PIK3CG: variants seen among roughly 807,000 people sequenced by gnomAD.
PIK3CG encodes the protein phosphatidylinositol-4,5-bisphosphate 3-kinase catalytic subunit gamma.
PIK3CG carries 55 observed loss-of-function variants against 102.3 expected under a neutral mutation model. The observed-to-expected ratio is 0.54, with a 90% CI of 0.43 to 0.67. The LOEUF is 0.67. Ranked by LOEUF, PIK3CG falls within the 30% of genes least tolerant of loss-of-function variation. The probability of loss-of-function intolerance (pLI) is 0.00; values close to 1 mark genes in which losing one functional copy is unlikely to be tolerated. For synonymous variants in PIK3CG, 552 were observed against 540.0 expected (o/e 1.02, Z -0.31); for missense variants, 1,258 against 1,391.8 (o/e 0.90, Z 1.53).
In PIK3CG at chr7:106,883,266, CTGACA is replaced by C; in HGVS notation, c.2760+105_2760+109del. 1 of 1,220,722 alleles carries C rather than the reference CTGACA, an allele frequency of 8.2e-7. No homozygotes were observed. The allele number at this position is 1,220,722 out of a possible 1,614,324, so 75.6% of individuals were successfully genotyped here. On this transcript the variant is annotated intron_variant, in intron 8 of 10. Coordinates refer to ENST00000496166, the MANE Select transcript of PIK3CG (RefSeq NM_001282426.2). This position sits in a 1 kb window ranked among gnomAD's most constrained non-coding sequence, Gnocchi z 5.8. ...AGAGAATCTGCCAGTGTCTTGCCTC[CTGACA>C]TATTAGTGAAGTTTTTTACTTGTGA...
rs913928137 is a variant in PIK3CG at position 106,884,984 on chromosome 7, A to G, written c.2872+718A>G. Among the ~76,000 whole-genome samples, 1 of 152,158 alleles carries G rather than the reference A, an allele frequency of 6.6e-6. No individual in the cohort carries two copies. The highest frequency in any genetic ancestry group is 1.5e-5 in the Non-Finnish European group (1 of 68,022). ...AGTTCACAATAGGGTTTGTGTTCCT[A>G]TGAGAATCTAATGCTGCAACTGATC... On this transcript the variant is annotated intron_variant, in intron 9 of 10. Coordinates refer to ENST00000496166, the MANE Select transcript of PIK3CG (RefSeq NM_001282426.2). The surrounding 1 kb of genome is among the most constrained non-coding windows in gnomAD (Gnocchi z 4.2).
chr7:106,883,726 C>A lies in PIK3CG; in HGVS notation c.2761-429C>A, dbSNP rs1045061013. On this transcript the variant is annotated intron_variant, in intron 8 of 10. Transcript: ENST00000496166. This position sits in a 1 kb window ranked among gnomAD's most constrained non-coding sequence, Gnocchi z 5.8. ...CACTTCTCATTTGCATGGTTAGCAGCCTTTTGGGGAGGAAATATAATGAGT... is the reference window on the plus strand; with the variant it reads ...CACTTCTCATTTGCATGGTTAGCAGACTTTTGGGGAGGAAATATAATGAGT... Among the ~76,000 whole-genome samples, 2 of 152,134 alleles carry A rather than the reference C, an allele frequency of 1.3e-5. No individual in the cohort carries two copies. Among genetic ancestry groups the A allele is most frequent in the African/African-American group, 4.8e-5 (2 of 41,436 alleles).
rs1239968156 is a variant in PIK3CG, at chr7:106,905,980, A to G, written c.*593A>G. 1 of 228,386 alleles carries G rather than the reference A, an allele frequency of 4.4e-6. No individual in the cohort carries two copies. The highest frequency in any genetic ancestry group is 5.7e-5 in the Admixed American group (1 of 17,636). 14.1% of individuals were successfully genotyped at this position (228,386 alleles called of 1,614,324 possible). A position where few individuals can be genotyped will look rare whatever the true frequency, so the allele number is the denominator to read the frequency against. On this transcript the variant is annotated 3_prime_UTR_variant, in exon 11 of 11. Transcript: ENST00000496166. This position sits in a 1 kb window ranked among gnomAD's most constrained non-coding sequence, Gnocchi z 5.6. ...AACTGAGACACACAAACACAGCAGG[A>G]GAAATCTAAACCGTTGTGCCTTGAC...
At position 106,883,946 on chromosome 7, in the gene PIK3CG, C is replaced by G. The variant is rs183687685; in HGVS notation, c.2761-209C>G. Reference sequence around the variant, plus strand: ...CTTTGACTCTTGTTTCTTCCTCATGCCATTGTGATTCACTGAATCTTCACC... The same window carrying G: ...CTTTGACTCTTGTTTCTTCCTCATGGCATTGTGATTCACTGAATCTTCACC... On this transcript the variant is annotated intron_variant, in intron 8 of 10. Coordinates refer to ENST00000496166, the MANE Select transcript of PIK3CG (RefSeq NM_001282426.2). The surrounding 1 kb of genome is among the most constrained non-coding windows in gnomAD (Gnocchi z 5.8). Among the ~76,000 whole-genome samples the G allele has an allele frequency of 4.7e-4, 72 of 152,204 alleles. No homozygotes were observed. The highest frequency in any genetic ancestry group is 1.3e-3 in the African/African-American group (55 of 41,530).
chr7:106,882,716 GA>G, intron 7 of PIK3CG: 1 of 229,188 alleles, frequency 4.4e-6, no homozygotes, highest in Non-Finnish European at 8.4e-6. Flanking sequence ...TTTAAAAAAG[GA>G]AAAGGCACAG....
At position 106,883,983 on chromosome 7, in the gene PIK3CG, C is replaced by A. The variant is rs1174311404; in HGVS notation, c.2761-172C>A. Among the ~76,000 whole-genome samples the A allele has an allele frequency of 1.3e-5, 2 of 152,126 alleles. No individual in the cohort carries two copies. Among genetic ancestry groups the A allele is most frequent in the African/African-American group, 4.8e-5 (2 of 41,428 alleles). ...ACTGAATCTTCACCTAAAATATAAG[C>A]AGAGCAATGAGAAAGTTGGCAATTC... On this transcript the variant is annotated intron_variant, in intron 8 of 10. Transcript: ENST00000496166. The surrounding 1 kb of genome is among the most constrained non-coding windows in gnomAD (Gnocchi z 5.8).
Position 106,897,712 on chromosome 7 carries a change from C to A in PIK3CG, c.3031-7397C>A, listed in dbSNP as rs1390725003. Among the ~76,000 whole-genome samples the A allele has an allele frequency of 6.6e-6, 1 of 152,186 alleles. No individual in the cohort carries two copies. The highest frequency in any genetic ancestry group is 1.5e-5 in the Non-Finnish European group (1 of 68,018). Reference sequence around the variant, plus strand: ...CATGTTCCCGCAAAAGACATGATCTCATTCTTTTTTATGGCTGCATAGTAT... The same window carrying A: ...CATGTTCCCGCAAAAGACATGATCTAATTCTTTTTTATGGCTGCATAGTAT... On this transcript the variant is annotated intron_variant, in intron 10 of 10. Transcript: ENST00000496166. The surrounding 1 kb of genome is among the most constrained non-coding windows in gnomAD (Gnocchi z 4.6).
rs757124578 is a variant in PIK3CG, at chr7:106,883,765, C to CTGTT, written c.2761-389_2761-386dup. ...AATATAATGAGTAGCACTTATTAAT[C>CTGTT]TGTTATACATGGGGATCTGTGAACC... is the stretch of plus-strand genomic sequence containing the variant. On this transcript the variant is annotated intron_variant, in intron 8 of 10. Coordinates refer to ENST00000496166, the MANE Select transcript of PIK3CG (RefSeq NM_001282426.2). The surrounding 1 kb of genome is among the most constrained non-coding windows in gnomAD (Gnocchi z 5.8). Among the ~76,000 whole-genome samples the CTGTT allele has an allele frequency of 2.6e-5, 4 of 152,128 alleles. No homozygotes were observed. Among genetic ancestry groups the CTGTT allele is most frequent in the Non-Finnish European group, 4.4e-5 (3 of 68,022 alleles).
rs1436445778 is a variant in PIK3CG, at chr7:106,907,589, CTTTT to C, written c.*2204_*2207del. Among the ~76,000 whole-genome samples the C allele has an allele frequency of 6.6e-6, 1 of 151,678 alleles. No individual in the cohort carries two copies. Among genetic ancestry groups the C allele is most frequent in the Admixed American group, 6.6e-5 (1 of 15,208 alleles). ...GCCAAGTTCAGACCTTGTACAGATT[CTTTT>C]TATTTGAATTGCTGAAATAATTTAT... On this transcript the variant is annotated 3_prime_UTR_variant, in exon 11 of 11. Transcript: ENST00000496166.
At chr7:106,875,307 C>G (rs916540084) in intron 5 of PIK3CG, among the ~76,000 whole-genome samples, 68 of 150,686 alleles carry the variant, frequency 4.5e-4, no homozygotes, top group African/African-American at 1.6e-3. Flanking sequence ...TTGCAGTGAG[C>G]CAAGATCACG....
chr7:106,875,529 A>G (rs1427092514), intron 5 of PIK3CG, among the ~76,000 whole-genome samples: 1 of 152,218 alleles, frequency 6.6e-6, no homozygotes, highest in Non-Finnish European at 1.5e-5. Flanking sequence ...GTGATAATGC[A>G]ACAGATCTAC....
At chr7:106,889,196 T>C (rs549259310) in intron 10 of PIK3CG, among the ~76,000 whole-genome samples, 1 of 152,292 alleles carries the variant, frequency 6.6e-6, no homozygotes, top group East Asian at 1.9e-4. Context: ...CCCTCTCTGC[T>C]TACTCTCTCC....
intron 5 of PIK3CG, among the ~76,000 whole-genome samples, chr7:106,876,399 T>G (rs562852394): frequency 2.0e-5 from 3 of 150,918 alleles, no homozygotes; most frequent in African/African-American, 7.3e-5. Flanking sequence ...TTGCCTTCTT[T>G]TTTTTTTTTT....
chr7:106,900,647 A>G (rs1349320279), intron 10 of PIK3CG, among the ~76,000 whole-genome samples: 1 of 152,168 alleles, frequency 6.6e-6, no homozygotes, highest in Admixed American at 6.5e-5. Flanking sequence ...GTTGCTTTAC[A>G]GTGACACTGG....
Position 106,907,917 on chromosome 7 carries a change from T to C in PIK3CG, c.*2530T>C, listed in dbSNP as rs182896438. Among the ~76,000 whole-genome samples, 2 of 151,788 alleles carry C rather than the reference T, an allele frequency of 1.3e-5. No individual in the cohort carries two copies. The highest frequency in any genetic ancestry group is 2.9e-5 in the Non-Finnish European group (2 of 67,938). On this transcript the variant is annotated 3_prime_UTR_variant, in exon 11 of 11. Coordinates refer to ENST00000496166, the MANE Select transcript of PIK3CG (RefSeq NM_001282426.2). Reference sequence around the variant, plus strand: ...GCATAATTTCAGTTCTATAGACTTATAGATAAATAAAAATCATCTTTGTGG... The same window carrying C: ...GCATAATTTCAGTTCTATAGACTTACAGATAAATAAAAATCATCTTTGTGG...
intron 10 of PIK3CG, among the ~76,000 whole-genome samples, chr7:106,904,172 A>C (rs572275566): frequency 2.0e-5 from 3 of 152,320 alleles, no homozygotes; most frequent in South Asian, 4.1e-4. Context: ...CATATGAAGT[A>C]ATATATTTTT....
rs1205431023 is a variant in PIK3CG at position 106,905,233 on chromosome 7, G to T, written c.3155G>T (p.Arg1052Leu). The T allele has an allele frequency of 1.2e-6, 2 of 1,614,072 alleles. No homozygotes were observed. Among genetic ancestry groups the T allele is most frequent in the Non-Finnish European group, 1.7e-6 (2 of 1,179,992 alleles). The stretch of plus-strand genomic sequence containing the variant: ...AGCAAAGAAGACATTGAATATATCC[G>T]GGATGCCCTCACAGTGGGGAAAAAT... Reference protein sequence around the residue: ...LTSKEDIEYIRDALTVGKNEE... With the variant: ...LTSKEDIEYILDALTVGKNEE... The change falls in exon 11 of 11, where the codon CGG becomes CTG. Residue 1052 changes from arginine to leucine, a missense_variant. Transcript: ENST00000496166. This position sits in a 1 kb window ranked among gnomAD's most constrained non-coding sequence, Gnocchi z 5.6.
Position 106,874,928 on chromosome 7 carries a change from T to C in PIK3CG, c.2391+125T>C. ...ACAGGGAAGCTGGAGAGTCTCTGGA[T>C]GGGTTTCTCATAAGCCCTTGTCTAA... On this transcript the variant is annotated intron_variant, in intron 5 of 10. Coordinates refer to ENST00000496166, the MANE Select transcript of PIK3CG (RefSeq NM_001282426.2). The surrounding 1 kb of genome is among the most constrained non-coding windows in gnomAD (Gnocchi z 4.3). 1 of 608,694 alleles carries C rather than the reference T, an allele frequency of 1.6e-6. No homozygotes were observed. 37.7% of individuals were successfully genotyped at this position (608,694 alleles called of 1,614,324 possible).
At position 106,882,138 on chromosome 7, in the gene PIK3CG, A is replaced by G. The variant is rs1455450052; in HGVS notation, c.2560A>G (p.Ile854Val). 1 of 1,564,992 alleles carries G rather than the reference A, an allele frequency of 6.4e-7. No individual in the cohort carries two copies. Among genetic ancestry groups the G allele is most frequent in the Non-Finnish European group, 8.7e-7 (1 of 1,154,268 alleles). Reference protein sequence around the residue: ...ILQILRIMESIWETESLDLCL... With the variant: ...ILQILRIMESVWETESLDLCL... ...CCAGATTCTACGAATCATGGAGTCTATTTGGGAGACTGAATCTTTGGATCT... is the reference window on the plus strand; with the variant it reads ...CCAGATTCTACGAATCATGGAGTCTGTTTGGGAGACTGAATCTTTGGATCT... Residue 854 changes from isoleucine (I) to valine (V), a missense_variant, in exon 7 of 11, where the codon ATT (isoleucine) becomes GTT (valine). Coordinates refer to ENST00000496166, the MANE Select transcript of PIK3CG (RefSeq NM_001282426.2).
Sources: allele counts gnomAD v4.1 joint callset (sites outside exome capture counted in the v4.1 genomes callset), GRCh38; gene constraint gnomAD v4.1.1; non-coding constraint Gnocchi (gnomAD v3.1); transcripts MANE v1.5; gene names NCBI Gene and HGNC (gene_info 2026-07-23, HGNC 2026-07-21).